CNTN5: variants seen among roughly 807,000 people sequenced by gnomAD.
CNTN5 encodes contactin-5.
CNTN5 carries 77 observed loss-of-function variants against 129.1 expected under a neutral mutation model. The ratio of observed to expected loss-of-function variants is 0.60; its 90% CI spans 0.50 to 0.72. The LOEUF (loss-of-function observed/expected upper bound fraction) is 0.72. Ranked by LOEUF, CNTN5 falls within the 30% of genes least tolerant of loss-of-function variation. The pLI is 0.00. For missense variants in CNTN5, 1,478 were observed against 1,328.8 expected (o/e 1.11, Z -1.75); for synonymous variants, 509 against 465.6 (o/e 1.09, Z -1.20).
intron 13 of CNTN5, among the ~76,000 whole-genome samples, chr11:100,109,784 CTTTATTCACCTTCATGATGGA>C (rs1224410709): frequency 6.6e-6 from 1 of 152,130 alleles, no homozygotes; most frequent in Admixed American, 6.6e-5. Flanking sequence ...TCAATATCGG[CTTTATTCACCTTCATGATGGA>C]ATGTAAGGCA....
chr11:99,904,026 A>T (rs1401541339), intron 6 of CNTN5, among the ~76,000 whole-genome samples: 3 of 152,160 alleles, frequency 2.0e-5, no homozygotes, highest in African/African-American at 7.2e-5. Flanking sequence ...GCTGGTGAGG[A>T]TGTAGAGAAA....
At chr11:99,136,233 G>A (rs1893149) in intron 1 of CNTN5, among the ~76,000 whole-genome samples, 143,290 of 151,820 alleles carry the variant, frequency 0.94, 67,724 homozygotes, top group East Asian at 1. Context: ...AAGTCCAACT[G>A]CGAAAACCCT....
intron 9 of CNTN5, among the ~76,000 whole-genome samples, chr11:100,059,978 G>C (rs1943394978): frequency 6.6e-6 from 1 of 152,080 alleles, no homozygotes; most frequent in South Asian, 2.1e-4. Context: ...GGAGGCCTAG[G>C]CGGGCAGATC....
chr11:99,793,544 C>T (rs1057100105), intron 3 of CNTN5, among the ~76,000 whole-genome samples: 1 of 152,052 alleles, frequency 6.6e-6, no homozygotes, highest in Non-Finnish European at 1.5e-5. Flanking sequence ...CTAAATTTTT[C>T]AGGGATGTGT....
chr11:99,996,914 C>T (rs1400253857), intron 8 of CNTN5, among the ~76,000 whole-genome samples: 2 of 152,106 alleles, frequency 1.3e-5, no homozygotes, highest in African/African-American at 4.8e-5. Context: ...TCATCTTCCA[C>T]CAGGTCCCTC....
chr11:99,705,031 T>C (rs1954694520), intron 3 of CNTN5, among the ~76,000 whole-genome samples: 1 of 151,358 alleles, frequency 6.6e-6, no homozygotes, highest in Non-Finnish European at 1.5e-5. Flanking sequence ...GTGGTTTATT[T>C]TGGAAAAAGC....
intron 10 of CNTN5, 36 bp downstream of exon 10, chr11:100,061,429 C>A: frequency 4.9e-6 from 7 of 1,424,772 alleles, no homozygotes; most frequent in South Asian, 3.0e-5. Flanking sequence ...TGCTCTAGTC[C>A]CAAAAGTCAA....
At chr11:99,904,050 T>C (rs1949429130) in intron 6 of CNTN5, among the ~76,000 whole-genome samples, 1 of 152,168 alleles carries the variant, frequency 6.6e-6, no homozygotes, top group African/African-American at 2.4e-5. Context: ...GAACTCTTTT[T>C]AATGATATTT....
intron 2 of CNTN5, among the ~76,000 whole-genome samples, chr11:99,331,487 G>A (rs987762154): frequency 5.9e-5 from 9 of 151,916 alleles, no homozygotes; most frequent in Non-Finnish European, 1.0e-4. Context: ...CCCACAAAAA[G>A]CAGTTAACAA....
intron 3 of CNTN5, among the ~76,000 whole-genome samples, chr11:99,727,772 A>G (rs1217326458): frequency 6.6e-6 from 1 of 152,200 alleles, no homozygotes; most frequent in African/African-American, 2.4e-5. Context: ...ATAGAACACC[A>G]TAAAGTCATT....
rs190445811 is a variant in CNTN5 at position 99,293,318 on chromosome 11, G to A, written c.-209-32028G>A. Among the ~76,000 whole-genome samples the A allele has an allele frequency of 2.0e-5, 3 of 152,202 alleles. No homozygotes were observed. The East Asian group carries it at 5.8e-4, about 29-fold the overall frequency. On this transcript the variant is annotated intron_variant, in intron 1 of 24. Coordinates refer to ENST00000524871, the MANE Select transcript of CNTN5 (RefSeq NM_014361.4). Reference sequence around the variant, plus strand: ...TGAATGATCTTTTTAACATGTTGCTGAATTCACTTTTATAGTATTTTGTTG... The same window carrying A: ...TGAATGATCTTTTTAACATGTTGCTAAATTCACTTTTATAGTATTTTGTTG...
intron 17 of CNTN5, among the ~76,000 whole-genome samples, chr11:100,265,012 G>T (rs1007675269): frequency 5.3e-5 from 8 of 151,902 alleles, no homozygotes; most frequent in Non-Finnish European, 8.8e-5. Flanking sequence ...TTATATGTTT[G>T]TTGGCCACAT....
At chr11:99,795,297 T>C (rs921379321) in intron 3 of CNTN5, among the ~76,000 whole-genome samples, 7 of 152,188 alleles carry the variant, frequency 4.6e-5, no homozygotes, top group Non-Finnish European at 1.0e-4. Context: ...TAAAATGGCA[T>C]TTTTGTCTTT....
chr11:99,418,307 A>G (rs576723177), intron 2 of CNTN5, among the ~76,000 whole-genome samples: 35 of 152,238 alleles, frequency 2.3e-4, no homozygotes, highest in Non-Finnish European at 1.8e-4. Context: ...AGTTATTCTT[A>G]CTCTATGTGG....
At chr11:99,391,695 ATTAT>A (rs796304027) in intron 2 of CNTN5, among the ~76,000 whole-genome samples, 45 of 152,190 alleles carry the variant, frequency 3.0e-4, no homozygotes, top group African/African-American at 1.1e-3. Context: ...TTGAGATGAT[ATTAT>A]TTATAGCTGA....
intron 15 of CNTN5, among the ~76,000 whole-genome samples, chr11:100,206,561 T>G (rs1948916555): frequency 2.0e-5 from 3 of 152,284 alleles, no homozygotes. Context: ...ATTTAGATGT[T>G]GCTTGAAGCT....
At chr11:99,568,899 G>T (rs1242662252) in intron 3 of CNTN5, among the ~76,000 whole-genome samples, 2 of 152,088 alleles carry the variant, frequency 1.3e-5, no homozygotes, top group Non-Finnish European at 2.9e-5. Flanking sequence ...TCAACCAGAA[G>T]ATTTTTCTTT....
chr11:99,904,734 T>G (rs189840488), intron 6 of CNTN5, among the ~76,000 whole-genome samples: 2 of 152,278 alleles, frequency 1.3e-5, no homozygotes, highest in East Asian at 3.9e-4. Context: ...TCCACAATGG[T>G]TGAACTAATT....
chr11:99,399,059 A>G (rs997400119), intron 2 of CNTN5, among the ~76,000 whole-genome samples: 1 of 151,920 alleles, frequency 6.6e-6, no homozygotes, highest in Non-Finnish European at 1.5e-5. Flanking sequence ...CAGAAAAACC[A>G]TATCACTCTG....
Sources: gnomAD v4.1 joint callset for allele counts (sites outside exome capture counted in the v4.1 genomes callset) on GRCh38, gnomAD v4.1.1 for gene constraint, MANE v1.5 for transcripts, NCBI Gene and HGNC (gene_info 2026-07-23, HGNC 2026-07-21) for gene names.